EPC1: variants seen among roughly 807,000 people sequenced by gnomAD.
EPC1 encodes the protein enhancer of polycomb homolog 1.
EPC1 carries 12 observed loss-of-function variants against 98.4 expected under a neutral mutation model. The ratio of observed to expected loss-of-function variants is 0.12; its 90% CI spans 0.08 to 0.20. The LOEUF is 0.20. EPC1 is among the 10% of genes least tolerant of loss of function. The pLI is 1.00. For missense variants in EPC1, 729 were observed against 990.5 expected, an observed-to-expected ratio of 0.74 and a Z score of 3.54; for synonymous variants, 357 against 363.9, an observed-to-expected ratio of 0.98 and a Z score of 0.21.
intron 1 of EPC1, among the ~76,000 whole-genome samples, chr10:32,339,471 G>A (rs1052736551): frequency 6.6e-6 from 1 of 152,128 alleles, no homozygotes; most frequent in Admixed American, 6.5e-5. Context: ...CTTGAATCTG[G>A]GAGGTGGAGG....
chr10:32,307,014 TG>T (rs1347436209), intron 1 of EPC1, among the ~76,000 whole-genome samples: 5 of 152,328 alleles, frequency 3.3e-5, no homozygotes, highest in African/African-American at 1.2e-4. Flanking sequence ...TATTTAAATA[TG>T]TAAAGGAATA....
chr10:32,270,527 A>T (rs1021369691), intron 13 of EPC1, among the ~76,000 whole-genome samples: 1 of 152,160 alleles, frequency 6.6e-6, no homozygotes, highest in Non-Finnish European at 1.5e-5. Context: ...TCTTTACATT[A>T]ATAAGAATAG....
At chr10:32,334,009 G>C (rs1438021679) in intron 1 of EPC1, among the ~76,000 whole-genome samples, 1 of 152,206 alleles carries the variant, frequency 6.6e-6, no homozygotes, top group Non-Finnish European at 1.5e-5. Flanking sequence ...AAGAAAACTA[G>C]TCAGTTGCAA....
intron 1 of EPC1, among the ~76,000 whole-genome samples, chr10:32,322,840 G>A (rs1369251778): frequency 1.3e-5 from 2 of 152,102 alleles, no homozygotes; most frequent in East Asian, 3.9e-4. Context: ...AAGGGTAGTG[G>A]GGAGGGAGGG....
rs76763490 is a variant in EPC1 at position 32,321,762 on chromosome 10, C to T, written c.154-15831G>A. Among the ~76,000 whole-genome samples, 81 of 152,138 alleles carry T rather than the reference C, an allele frequency of 5.3e-4. 1 individual carries two copies. In the East Asian group the frequency reaches 0.015, roughly 27 times the overall value. On this transcript the variant is annotated intron_variant, in intron 1 of 13. Coordinates refer to ENST00000319778, the MANE Select transcript of EPC1 (RefSeq NM_001272004.3). ...AAGTAGGATTTGGACTGAGGTCTGACTCCAGAACCCTATGATCTTTCTACT... is the reference window on the plus strand; with the variant it reads ...AAGTAGGATTTGGACTGAGGTCTGATTCCAGAACCCTATGATCTTTCTACT...
intron 5 of EPC1, 155 bp downstream of exon 5, chr10:32,292,340 TA>T (rs1564528672): frequency 2.4e-5 from 12 of 499,764 alleles, no homozygotes; most frequent in Non-Finnish European, 3.9e-5. Context: ...GGAAAACATG[TA>T]AAAGTATAAA....
intron 1 of EPC1, among the ~76,000 whole-genome samples, chr10:32,318,835 T>G (rs1836710534): frequency 6.6e-6 from 1 of 152,220 alleles, no homozygotes. Context: ...AGTATTACAT[T>G]ACTCTCCACT....
chr10:32,277,586 G>T (rs952672229), intron 10 of EPC1, among the ~76,000 whole-genome samples: 1 of 152,046 alleles, frequency 6.6e-6, no homozygotes, highest in Non-Finnish European at 1.5e-5. Flanking sequence ...TTGAGACAGG[G>T]TCTCACTCTG....
In EPC1 at chr10:32,286,741, G is replaced by A. The variant is rs1836701603; in HGVS notation, c.1344C>T (p.Pro448=). ...TTCGTGCAAATCCAATACACCTTTG[G>A]GGTACGGTGAGAGTAGTTAAGCAGT... The part of the protein sequence containing the change: ...YRYCLTTLTV[P]QRCIGFARRR... Residue 448 remains proline (P), a synonymous_variant, in exon 9 of 14, where the codon CCC becomes CCT. Coordinates refer to ENST00000319778, the MANE Select transcript of EPC1 (RefSeq NM_001272004.3). 2 of 1,613,888 alleles carry A rather than the reference G, an allele frequency of 1.2e-6. No homozygotes were observed. Among genetic ancestry groups the A allele is most frequent in the African/African-American group, 1.3e-5 (1 of 74,856 alleles).
intron 1 of EPC1, among the ~76,000 whole-genome samples, chr10:32,341,569 C>G (rs1838356689): frequency 6.6e-6 from 1 of 152,170 alleles, no homozygotes; most frequent in African/African-American, 2.4e-5. Flanking sequence ...AAATGTAATT[C>G]AGTACAAATG....
At chr10:32,312,432 T>C (rs1432470919) in intron 1 of EPC1, among the ~76,000 whole-genome samples, 1 of 152,222 alleles carries the variant, frequency 6.6e-6, no homozygotes, top group Non-Finnish European at 1.5e-5. Flanking sequence ...AAGACACAAC[T>C]GAGCCTATCT....
intron 1 of EPC1, among the ~76,000 whole-genome samples, chr10:32,311,137 T>C (rs770221362): frequency 7.0e-4 from 107 of 151,882 alleles, no homozygotes; most frequent in Admixed American, 2.2e-3. Context: ...GGTGAAACCC[T>C]GTCTCTACTA....
intron 1 of EPC1, among the ~76,000 whole-genome samples, chr10:32,330,498 T>C (rs115583408): frequency 0.025 from 3,777 of 152,254 alleles, 157 homozygotes; most frequent in African/African-American, 0.087. Flanking sequence ...GCAATCGTTT[T>C]AGAAGACACA....
intron 1 of EPC1, among the ~76,000 whole-genome samples, chr10:32,337,424 G>A (rs563095754): frequency 3.3e-5 from 5 of 152,272 alleles, no homozygotes; most frequent in Admixed American, 1.3e-4. Flanking sequence ...GACACTCGAA[G>A]GGACACCCTG....
At chr10:32,270,656 C>G (rs1416201188) in intron 13 of EPC1, among the ~76,000 whole-genome samples, 1 of 151,776 alleles carries the variant, frequency 6.6e-6, no homozygotes, top group African/African-American at 2.4e-5. Flanking sequence ...GAAACCCCGT[C>G]CCTGCTAAAA....
At chr10:32,325,542 T>C (rs900129847) in intron 1 of EPC1, among the ~76,000 whole-genome samples, 1 of 152,210 alleles carries the variant, frequency 6.6e-6, no homozygotes, top group African/African-American at 2.4e-5. Context: ...CTGAGGCTAA[T>C]ATAAACATCA....
intron 11 of EPC1, among the ~76,000 whole-genome samples, chr10:32,272,481 G>C (rs1433925863): frequency 6.6e-6 from 1 of 152,082 alleles, no homozygotes; most frequent in Non-Finnish European, 1.5e-5. Flanking sequence ...TGTTGGACAA[G>C]AAATATGCTA....
At chr10:32,334,204 C>T (rs371327161) in intron 1 of EPC1, among the ~76,000 whole-genome samples, 12 of 152,222 alleles carry the variant, frequency 7.9e-5, no homozygotes, top group African/African-American at 2.6e-4. Context: ...TCTTGGCACC[C>T]GCCCCCCGCT....
At chr10:32,349,081 A>G (rs1164649572), upstream of EPC1, among the ~76,000 whole-genome samples, 1 of 152,224 alleles carries the variant, frequency 6.6e-6, no homozygotes. Context: ...TCACTGTGGA[A>G]TGACACCTGT....
Sources: gnomAD v4.1 joint callset for allele counts (sites outside exome capture counted in the v4.1 genomes callset) on GRCh38, gnomAD v4.1.1 for gene constraint, MANE v1.5 for transcripts, NCBI Gene and HGNC (gene_info 2026-07-23, HGNC 2026-07-21) for gene names.